Variants in GABRD observed in about 807,000 individuals in gnomAD.
The protein encoded by GABRD is gamma-aminobutyric acid receptor subunit delta.
Under a neutral mutation model 47.3 loss-of-function variants are expected in GABRD, and 25 were observed. That is an observed-to-expected ratio of 0.53 (90% confidence interval 0.39 to 0.74). The LOEUF (loss-of-function observed/expected upper bound fraction) is 0.74. Ranked by LOEUF, GABRD falls within the 30% of genes least tolerant of loss-of-function variation. The probability of loss-of-function intolerance (pLI) is 0.00; values close to 1 mark genes in which losing one functional copy is unlikely to be tolerated. For missense variants in GABRD, 497 were observed against 643.4 expected, an observed-to-expected ratio of 0.77 and a Z score of 2.46; for synonymous variants, 314 against 278.8, an observed-to-expected ratio of 1.13 and a Z score of -1.26.
At chr1:2,020,634 C>T (rs1225708745) in intron 1 of GABRD, among the ~76,000 whole-genome samples, 1 of 152,222 alleles carries the variant, frequency 6.6e-6, no homozygotes, top group East Asian at 1.9e-4. Flanking sequence ...GTGGGCCTTT[C>T]TCCCTTTGTC....
intron 4 of GABRD, chr1:2,027,090 G>T (rs758366047): frequency 2.2e-5 from 5 of 222,606 alleles, no homozygotes; most frequent in Admixed American, 5.3e-5. Context: ...CAAGCCCCGG[G>T]GGGTTGAGGC....
At chr1:2,029,914 C>G in intron 8 of GABRD, 69 bp from the exon 9 acceptor site, 1 of 1,584,834 alleles carries the variant, frequency 6.3e-7, no homozygotes, top group Non-Finnish European at 8.6e-7. Flanking sequence ...ATGGGAACAC[C>G]TGTGGTCCAG....
chr1:2,021,780 T>G (rs966373940), intron 1 of GABRD, among the ~76,000 whole-genome samples: 3 of 152,202 alleles, frequency 2.0e-5, no homozygotes, highest in Admixed American at 2.0e-4. Context: ...ACTGCAATGC[T>G]GGGAGGCTTG....
chr1:2,029,558 C>A lies in GABRD; in HGVS notation c.855C>A (p.Thr285=). ...AVPARVSLGI[T]TVLTMTTLMV... is the part of the protein sequence containing the mutation. Reference sequence around the variant, plus strand: ...ACCACCTGTGCCCGGCAGGCATCACCACGGTGCTGACGATGACCACGCTCA... The same window carrying A: ...ACCACCTGTGCCCGGCAGGCATCACAACGGTGCTGACGATGACCACGCTCA... The change falls in exon 8 of 9, where the codon ACC becomes ACA. Residue 285 remains threonine (T), a synonymous_variant. Transcript: ENST00000378585. 2 of 1,612,764 alleles carry A rather than the reference C, an allele frequency of 1.2e-6. No homozygotes were observed. The highest frequency in any genetic ancestry group is 1.7e-6 in the Non-Finnish European group (2 of 1,179,972).
Position 2,025,397 on chromosome 1 carries a change from A to G in GABRD, c.245A>G (p.Asn82Ser), listed in dbSNP as rs1658893115. 1 of 1,612,944 alleles carries G rather than the reference A, an allele frequency of 6.2e-7. No homozygotes were observed. The highest frequency in any genetic ancestry group is 8.5e-7 in the Non-Finnish European group (1 of 1,179,976). The change falls in exon 3 of 9, where the codon AAC (asparagine) becomes AGC (serine). Residue 82 changes from asparagine (N) to serine (S), a missense_variant. Asn to Ser is a conservative substitution (Grantham distance 46). Transcript: ENST00000378585. ...AGCATCGACCACATCTCAGAGGCCA[A>G]CATGGTAGGTGCCACCAGCCTCTGC... ...VASIDHISEA[N>S]MEYTMTVFLH...
Position 2,028,934 on chromosome 1 carries a change from C to G in GABRD, c.692-177C>G, listed in dbSNP as rs1475206351. 13 of 738,496 alleles carry G rather than the reference C, an allele frequency of 1.8e-5. No homozygotes were observed. The highest frequency in any genetic ancestry group is 3.8e-4 in the Middle Eastern group (1 of 2,658). The allele number at this position is 738,496 out of a possible 1,614,324, so 45.7% of individuals were successfully genotyped here. On this transcript the variant is annotated intron_variant, in intron 6 of 8. Transcript: ENST00000378585. The surrounding 1 kb of genome is among the most constrained non-coding windows in gnomAD (Gnocchi z 6.4). ...GGACCAGCCTGTCCTGTGGCCAGAC[C>G]TAGGGCCGGAGGCCCCCTGACATTT...
chr1:2,029,247 G>A lies in GABRD; in HGVS notation c.828G>A (p.Val276=), dbSNP rs1012449006. 3 of 1,564,424 alleles carry A rather than the reference G, an allele frequency of 1.9e-6. No homozygotes were observed. The highest frequency in any genetic ancestry group is 2.4e-5 in the East Asian group (1 of 41,994). ...WVSFWISQAA[V]PARVSLGITT... ...CCTTCTGGATCAGCCAGGCGGCGGT[G>A]CCCGCCAGGGTGTCTCTAGGTACGG... The change falls in exon 7 of 9, where the codon GTG becomes GTA. Residue 276 remains valine (V), a synonymous_variant. Coordinates refer to ENST00000378585, the MANE Select transcript of GABRD (RefSeq NM_000815.5).
At chr1:2,022,020 C>A (rs1488645097) in intron 1 of GABRD, among the ~76,000 whole-genome samples, 1 of 152,158 alleles carries the variant, frequency 6.6e-6, no homozygotes, top group Non-Finnish European at 1.5e-5. Flanking sequence ...CCCACTCTGC[C>A]CCCTGAGTTT....
At position 2,028,778 on chromosome 1, in the gene GABRD, C is replaced by T. The variant is rs1659002037; in HGVS notation, c.692-333C>T. 1 of 371,718 alleles carries T rather than the reference C, an allele frequency of 2.7e-6. No individual in the cohort carries two copies. The highest frequency in any genetic ancestry group is 4.9e-6 in the Non-Finnish European group (1 of 204,482). 23.0% of individuals were successfully genotyped at this position (371,718 alleles called of 1,614,324 possible). A position where few individuals can be genotyped will look rare whatever the true frequency, so the allele number is the denominator to read the frequency against. On this transcript the variant is annotated intron_variant, in intron 6 of 8. Coordinates refer to ENST00000378585, the MANE Select transcript of GABRD (RefSeq NM_000815.5). This position sits in a 1 kb window ranked among gnomAD's most constrained non-coding sequence, Gnocchi z 6.4. ...GCTCCTTCCAGAGCCTGGCTGTGCC[C>T]GCAGGAGTGTTAGGAGAGAAAGGGG... is the stretch of plus-strand genomic sequence containing the variant.
chr1:2,022,511 CAT>C (rs973451775), intron 1 of GABRD: 4 of 152,418 alleles, frequency 2.6e-5, no homozygotes, highest in African/African-American at 9.6e-5. Context: ...TGCCCCCCCA[CAT>C]GTGCCACCAC....
At chr1:2,027,699 G>C (rs989364578) in intron 5 of GABRD, 40 bp downstream of exon 5, 1 of 1,551,626 alleles carries the variant, frequency 6.4e-7, no homozygotes, top group African/African-American at 1.4e-5. Flanking sequence ...TTCTCCAGCA[G>C]TGGATGGGGG....
At position 2,024,579 on chromosome 1, in the gene GABRD, G is replaced by A. The variant is rs113054370; in HGVS notation, c.69-363G>A. ...TGAGGGACCCCAGGGGTGGAGACCC[G>A]AGGCCGGCCTCCGCGGGCTGGTTGA... On this transcript the variant is annotated intron_variant, in intron 1 of 8. Transcript: ENST00000378585. 5.3e-3 allele frequency: 931 copies of A among 174,372 alleles called. 10 individuals carry two copies. Among genetic ancestry groups the A allele is most frequent in the African/African-American group, 0.021 (872 of 42,276 alleles). The allele number at this position is 174,372 out of a possible 1,614,324, so 10.8% of individuals were successfully genotyped here.
chr1:2,020,203 C>T (rs776214658), intron 1 of GABRD, among the ~76,000 whole-genome samples: 6 of 152,194 alleles, frequency 3.9e-5, no homozygotes, highest in Non-Finnish European at 7.4e-5. Flanking sequence ...GCCTACAGTG[C>T]CCCCCCATCT....
intron 7 of GABRD, 57 bp downstream of exon 7, chr1:2,029,323 A>G: frequency 6.6e-7 from 1 of 1,515,558 alleles, no homozygotes; most frequent in Non-Finnish European, 8.8e-7. Flanking sequence ...GGGGAACAGG[A>G]CTCCCCATCC....
rs1659059793 is a variant in GABRD at position 2,030,465 on chromosome 1, A to G, written c.*183A>G. 4.1e-6 allele frequency: 2 copies of G among 490,138 alleles called. No individual in the cohort carries two copies. Among genetic ancestry groups the G allele is most frequent in the African/African-American group, 2.0e-5 (1 of 49,818 alleles). The allele number at this position is 490,138 out of a possible 1,614,324, so 30.4% of individuals were successfully genotyped here. Reference sequence around the variant, plus strand: ...GAGCTCTGACCCCAGCCTCACCCGAAAGGCCAGCCTGGGGCTCTCCGGCAG... The same window carrying G: ...GAGCTCTGACCCCAGCCTCACCCGAGAGGCCAGCCTGGGGCTCTCCGGCAG... On this transcript the variant is annotated 3_prime_UTR_variant, in exon 9 of 9. Transcript: ENST00000378585.
Position 2,030,406 on chromosome 1 carries a change from GC to G in GABRD, c.*126del. 1 of 881,024 alleles carries G rather than the reference GC, an allele frequency of 1.1e-6. No individual in the cohort carries two copies. The highest frequency in any genetic ancestry group is 1.6e-6 in the Non-Finnish European group (1 of 622,942). 54.6% of individuals were successfully genotyped at this position (881,024 alleles called of 1,614,324 possible). A position where few individuals can be genotyped will look rare whatever the true frequency, so the allele number is the denominator to read the frequency against. On this transcript the variant is annotated 3_prime_UTR_variant, in exon 9 of 9. Coordinates refer to ENST00000378585, the MANE Select transcript of GABRD (RefSeq NM_000815.5). ...GTGTTTCGAAGTGGGATGACAGTCG[GC>G]CACGGAAAACAAGAGGAAGCCTCGG...
chr1:2,019,414 C>A lies in GABRD; in HGVS notation c.-10C>A. 9.3e-7 allele frequency: 1 copy of A among 1,076,814 alleles called. No individual in the cohort carries two copies. Among genetic ancestry groups the A allele is most frequent in the South Asian group, 3.7e-5 (1 of 26,898 alleles). The allele number at this position is 1,076,814 out of a possible 1,614,324, so 66.7% of individuals were successfully genotyped here. ...GTTTGCGCGGACCCCGTCCCGAGCCCGCCGCGGCCATGGACGCGCCCGCCC... is the reference window on the plus strand; with the variant it reads ...GTTTGCGCGGACCCCGTCCCGAGCCAGCCGCGGCCATGGACGCGCCCGCCC... On this transcript the variant is annotated 5_prime_UTR_variant, in exon 1 of 9. Coordinates refer to ENST00000378585, the MANE Select transcript of GABRD (RefSeq NM_000815.5).
In GABRD at chr1:2,030,228, C is replaced by T. The variant is rs142288809; in HGVS notation, c.1305C>T (p.Phe435=). The T allele has an allele frequency of 4.5e-6, 7 of 1,567,492 alleles. No homozygotes were observed. In the African/African-American group the frequency reaches 9.5e-5, roughly 21 times the overall value. ...TTGACATTTACGCCCGCGCTGTGTT[C>T]CCTGCGGCGTTTGCGGCCGTCAATG... ...DTIDIYARAV[F]PAAFAAVNVI... is the part of the protein sequence containing the mutation. The change falls in exon 9 of 9, where the codon TTC becomes TTT. Residue 435 remains phenylalanine, a synonymous_variant. Coordinates refer to ENST00000378585, the MANE Select transcript of GABRD (RefSeq NM_000815.5).
At chr1:2,021,864 C>A (rs549697656) in intron 1 of GABRD, among the ~76,000 whole-genome samples, 3 of 152,264 alleles carry the variant, frequency 2.0e-5, no homozygotes, top group East Asian at 1.9e-4. Flanking sequence ...GGGGGAGGAT[C>A]CCAGCTACAT....
Sources: gnomAD v4.1 joint callset for allele counts (sites outside exome capture counted in the v4.1 genomes callset) on GRCh38, gnomAD v4.1.1 for gene constraint, Gnocchi (gnomAD v3.1) non-coding constraint, MANE v1.5 for transcripts, NCBI Gene and HGNC (gene_info 2026-07-23, HGNC 2026-07-21) for gene names.